Variants in MED13 observed in about 807,000 individuals in gnomAD.
MED13 encodes mediator complex subunit 13, also known as mediator of RNA polymerase II transcription subunit 13.
MED13 carries 23 observed loss-of-function variants against 225.2 expected under a neutral mutation model. That is an observed-to-expected ratio of 0.10 (90% CI 0.07 to 0.14). The LOEUF (loss-of-function observed/expected upper bound fraction) is 0.14. MED13 is among the 10% of genes least tolerant of loss of function. The probability of loss-of-function intolerance (pLI) is 1.00; values close to 1 mark genes in which losing one functional copy is unlikely to be tolerated. For synonymous variants in MED13, 942 were observed against 889.2 expected (o/e 1.06, Z -1.06); for missense variants, 2,197 against 2,594.5 (o/e 0.85, Z 3.33).
chr17:62,063,341 C>A (rs574517807), intron 1 of MED13, 40 bp from the exon 2 acceptor site: 26 of 1,344,026 alleles, frequency 1.9e-5, no homozygotes, highest in South Asian at 1.5e-4. Context: ...ACTGCATATT[C>A]ACTCAAAGTC....
chr17:62,024,064 C>A (rs1367426238), intron 8 of MED13, among the ~76,000 whole-genome samples: 1 of 151,696 alleles, frequency 6.6e-6, no homozygotes, highest in East Asian at 1.9e-4. Flanking sequence ...GCCACCAACA[C>A]CAAAGTGCAG....
intron 16 of MED13, among the ~76,000 whole-genome samples, chr17:61,975,808 G>C (rs900812725): frequency 1.3e-5 from 2 of 152,172 alleles, no homozygotes; most frequent in Admixed American, 1.3e-4. Flanking sequence ...CTGAGGTCAG[G>C]AGTTTGAGAC....
chr17:61,977,422 G>T (rs567671265), intron 16 of MED13, among the ~76,000 whole-genome samples: 7 of 152,238 alleles, frequency 4.6e-5, no homozygotes, highest in Non-Finnish European at 8.8e-5. Flanking sequence ...TTTAATCAAA[G>T]TATTCTAATA....
Position 61,982,843 on chromosome 17 carries a change from G to A in MED13, c.3160C>T (p.Leu1054Phe). The change falls in exon 16 of 30, where the codon CTT (leucine) becomes TTT (phenylalanine). Residue 1054 changes from leucine (L) to phenylalanine (F), a missense_variant. Coordinates refer to ENST00000397786, the MANE Select transcript of MED13 (RefSeq NM_005121.3). ...PASTPSTCRP[L>F]NSVEPATVPS... is the part of the protein sequence containing the mutation. ...ACAGTTGCAGGTTCAACAGAATTAA[G>A]GGGTCTGCATGTAGATGGGGTAGAA... is the stretch of plus-strand genomic sequence containing the variant. The A allele has an allele frequency of 6.2e-7, 1 of 1,614,214 alleles. No homozygotes were observed. Among genetic ancestry groups the A allele is most frequent in the East Asian group, 2.2e-5 (1 of 44,890 alleles).
intron 9 of MED13, among the ~76,000 whole-genome samples, chr17:61,997,102 T>C (rs901987228): frequency 3.9e-5 from 6 of 152,180 alleles, no homozygotes; most frequent in Middle Eastern, 3.2e-3. Flanking sequence ...ATGAAGGTAT[T>C]TGCAGATCGT....
chr17:62,065,215 C>A lies in MED13; in HGVS notation c.-10G>T, dbSNP rs749545701. 3 of 1,557,926 alleles carry A rather than the reference C, an allele frequency of 1.9e-6. No homozygotes were observed. In the South Asian group the frequency reaches 3.5e-5, roughly 18 times the overall value. On this transcript the variant is annotated 5_prime_UTR_variant, in exon 1 of 30. Transcript: ENST00000397786. ...CGAAGGAGGCACTCATCGTCCCTCA[C>A]AGCAGCCGCCGCCGGCGCCACAACC...
At chr17:61,961,199 G>A in intron 22 of MED13, 109 bp from the exon 23 acceptor site, 1 of 1,022,360 alleles carries the variant, frequency 9.8e-7, no homozygotes, top group Admixed American at 2.7e-5. Context: ...GAAAATGACA[G>A]CTAAGCCAAA....
At chr17:62,037,636 C>T (rs1181733930) in intron 3 of MED13, among the ~76,000 whole-genome samples, 15 of 137,500 alleles carry the variant, frequency 1.1e-4, no homozygotes, top group African/African-American at 3.9e-4. Flanking sequence ...CACTGCACTC[C>T]AGCCTGGGTG....
At position 61,946,351 on chromosome 17, in the gene MED13, A is replaced by G. The variant is rs893645073; in HGVS notation, c.*117T>C. On this transcript the variant is annotated 3_prime_UTR_variant, in exon 30 of 30. Coordinates refer to ENST00000397786, the MANE Select transcript of MED13 (RefSeq NM_005121.3). ...AGTCAAAACAATATTTGTTGAAGTAATAAGAATTAGACCCCATCACAAATG... is the reference window on the plus strand; with the variant it reads ...AGTCAAAACAATATTTGTTGAAGTAGTAAGAATTAGACCCCATCACAAATG... The G allele has an allele frequency of 2.5e-5, 30 of 1,203,620 alleles. No individual in the cohort carries two copies. Among genetic ancestry groups the G allele is most frequent in the Middle Eastern group, 2.3e-4 (1 of 4,268 alleles). The allele number at this position is 1,203,620 out of a possible 1,614,324, so 74.6% of individuals were successfully genotyped here. A position where few individuals can be genotyped will look rare whatever the true frequency, so the allele number is the denominator to read the frequency against.
At chr17:61,962,618 T>C in intron 21 of MED13, 134 bp downstream of exon 21, 1 of 636,890 alleles carries the variant, frequency 1.6e-6, no homozygotes, top group Non-Finnish European at 2.7e-6. Flanking sequence ...TATATTATGA[T>C]ATTAAAGTAA....
intron 3 of MED13, among the ~76,000 whole-genome samples, chr17:62,045,049 T>C (rs1188831896): frequency 1.3e-5 from 2 of 152,292 alleles, no homozygotes; most frequent in East Asian, 3.9e-4. Context: ...ATTTTTTCCA[T>C]AGAAATCAAT....
intron 28 of MED13, among the ~76,000 whole-genome samples, chr17:61,948,869 G>A (rs369621248): frequency 3.2e-4 from 48 of 150,736 alleles, no homozygotes; most frequent in East Asian, 1.0e-3. Context: ...GGCGGATCAC[G>A]AGGTCAGGAG....
intron 9 of MED13, chr17:62,006,585 T>C (rs1423352631): frequency 2.0e-5 from 3 of 151,944 alleles, no homozygotes; most frequent in East Asian, 1.9e-4. Flanking sequence ...GCTCTACCTA[T>C]ATACAACATT....
chr17:61,956,267 T>C (rs1256267070), intron 24 of MED13, 72 bp downstream of exon 24: 3 of 1,432,976 alleles, frequency 2.1e-6, no homozygotes, highest in South Asian at 1.3e-5. Context: ...CATATATACC[T>C]AGACGTGGTC....
chr17:61,958,318 C>T (rs186214050), intron 23 of MED13, among the ~76,000 whole-genome samples: 54 of 152,174 alleles, frequency 3.5e-4, no homozygotes, highest in Non-Finnish European at 5.3e-4. Flanking sequence ...CAGGCGCGTG[C>T]GACCACACCC....
At chr17:62,042,709 A>T (rs904689076) in intron 3 of MED13, among the ~76,000 whole-genome samples, 6 of 152,166 alleles carry the variant, frequency 3.9e-5, no homozygotes, top group African/African-American at 1.4e-4. Flanking sequence ...AACTTAAAAA[A>T]AATACATGTG....
chr17:62,058,083 A>T (rs2081009222), intron 2 of MED13, among the ~76,000 whole-genome samples: 1 of 152,250 alleles, frequency 6.6e-6, no homozygotes, highest in African/African-American at 2.4e-5. Flanking sequence ...AATTAACAGT[A>T]CACTTAAAAG....
chr17:62,035,694 A>C (rs938544242), intron 3 of MED13, 86 bp from the exon 4 acceptor site: 67 of 1,342,232 alleles, frequency 5.0e-5, no homozygotes, highest in Non-Finnish European at 6.5e-5. Context: ...AGTATGCAAA[A>C]ATGCATACCC....
At chr17:61,950,737 A>G (rs1038330811) in intron 28 of MED13, 88 bp downstream of exon 28, 16 of 1,322,002 alleles carry the variant, frequency 1.2e-5, no homozygotes, top group Middle Eastern at 1.9e-4. Flanking sequence ...TAGACAAGCT[A>G]TAAGACTTAA....
Sources: gnomAD v4.1 joint callset for allele counts (sites outside exome capture counted in the v4.1 genomes callset) on GRCh38, gnomAD v4.1.1 for gene constraint, MANE v1.5 for transcripts, NCBI Gene and HGNC (gene_info 2026-07-23, HGNC 2026-07-21) for gene names.